Variants in TRABD2B observed in about 807,000 individuals in gnomAD.
The protein encoded by TRABD2B is metalloprotease TIKI2.
Under a neutral mutation model 40.1 loss-of-function variants are expected in TRABD2B, and 14 were observed. The ratio of observed to expected loss-of-function variants is 0.35; its 90% CI spans 0.23 to 0.55. The LOEUF is 0.55. TRABD2B is among the 20% of genes least tolerant of loss of function. TRABD2B has a pLI of 0.90. For missense variants in TRABD2B, 541 were observed against 648.6 expected (o/e 0.83, Z 1.80); for synonymous variants, 263 against 277.0 (o/e 0.95, Z 0.50).
chr1:47,841,693 G>A (rs1470315613), intron 2 of TRABD2B, among the ~76,000 whole-genome samples: 2 of 152,134 alleles, frequency 1.3e-5, no homozygotes, highest in Non-Finnish European at 2.9e-5. Flanking sequence ...GTGGAGGAAA[G>A]GCAGGTTCCC....
At chr1:47,872,604 G>A (rs1644160443) in intron 2 of TRABD2B, among the ~76,000 whole-genome samples, 1 of 152,212 alleles carries the variant, frequency 6.6e-6, no homozygotes, top group Admixed American at 6.5e-5. Context: ...GATGGTGAGA[G>A]AATGAAGATG....
chr1:47,988,714 G>A (rs1645956857), intron 2 of TRABD2B, among the ~76,000 whole-genome samples: 1 of 152,174 alleles, frequency 6.6e-6, no homozygotes, highest in African/African-American at 2.4e-5. Context: ...TCCAAAATAT[G>A]GGAGATACGC....
chr1:47,940,389 G>T (rs1645170113), intron 2 of TRABD2B, among the ~76,000 whole-genome samples: 1 of 152,200 alleles, frequency 6.6e-6, no homozygotes, highest in Non-Finnish European at 1.5e-5. Flanking sequence ...GGCGATGATG[G>T]AATTTGTTGG....
chr1:47,860,777 G>A (rs528988681), intron 2 of TRABD2B, among the ~76,000 whole-genome samples: 5 of 152,206 alleles, frequency 3.3e-5, no homozygotes, highest in African/African-American at 1.2e-4. Context: ...TGCTCTCATG[G>A]GTTGTTATAA....
At chr1:47,833,265 C>T (rs777594864) in intron 2 of TRABD2B, among the ~76,000 whole-genome samples, 10 of 152,066 alleles carry the variant, frequency 6.6e-5, no homozygotes, top group Non-Finnish European at 1.2e-4. Flanking sequence ...TTTACCTGAC[C>T]CTGGGCTCTT....
At chr1:47,805,175 T>C (rs1644874788) in intron 2 of TRABD2B, among the ~76,000 whole-genome samples, 2 of 151,964 alleles carry the variant, frequency 1.3e-5, no homozygotes, top group African/African-American at 4.8e-5. Flanking sequence ...TCCAGAACTC[T>C]GCAGTGCCCT....
intron 2 of TRABD2B, among the ~76,000 whole-genome samples, chr1:47,966,722 T>C (rs1645608648): frequency 6.6e-6 from 1 of 152,004 alleles, no homozygotes; most frequent in Non-Finnish European, 1.5e-5. Flanking sequence ...CTGGCCAACA[T>C]GGTGAAACCC....
Position 47,778,582 on chromosome 1 carries a change from C to A in TRABD2B, c.989-38G>T, listed in dbSNP as rs1644478924. The A allele has an allele frequency of 2.0e-6, 3 of 1,479,846 alleles. No homozygotes were observed. The East Asian group carries it at 7.4e-5, about 36-fold the overall frequency. 91.7% of individuals were successfully genotyped at this position (1,479,846 alleles called of 1,614,324 possible). A position where few individuals can be genotyped will look rare whatever the true frequency, so the allele number is the denominator to read the frequency against. On this transcript the variant is annotated intron_variant, in intron 4 of 6. Transcript: ENST00000606738. ...TGACAAAAGGGGCTCAGCCACATGC[C>A]AGGCCACCGGCCACAGGGGACTGCC...
intron 3 of TRABD2B, among the ~76,000 whole-genome samples, chr1:47,795,428 C>G (rs987102468): frequency 2.6e-5 from 4 of 152,154 alleles, no homozygotes; most frequent in Non-Finnish European, 5.9e-5. Context: ...CACCGCCGAG[C>G]CTGGTGCTGG....
chr1:47,781,760 T>C (rs1164232414), intron 4 of TRABD2B, among the ~76,000 whole-genome samples: 1 of 152,214 alleles, frequency 6.6e-6, no homozygotes, highest in African/African-American at 2.4e-5. Flanking sequence ...GCCATTCCCA[T>C]GTGGCCTGTG....
intron 6 of TRABD2B, among the ~76,000 whole-genome samples, chr1:47,767,632 C>T (rs959585202): frequency 2.6e-5 from 4 of 152,220 alleles, no homozygotes; most frequent in African/African-American, 9.6e-5. Context: ...GAACTGGGCA[C>T]ACAGTAGGTG....
Position 47,760,603 on chromosome 1 carries a change from T to C in TRABD2B, c.*5299A>G, listed in dbSNP as rs1644233764. The C allele has an allele frequency of 6.6e-6, 1 of 152,236 alleles. No individual in the cohort carries two copies. The highest frequency in any genetic ancestry group is 2.4e-5 in the African/African-American group (1 of 41,462). 9.4% of individuals were successfully genotyped at this position (152,236 alleles called of 1,614,324 possible). ...GGCAAAATAACATTAATAGCATCTTTCTTTGTCTTCTATTTATACTCTTAA... is the reference window on the plus strand; with the variant it reads ...GGCAAAATAACATTAATAGCATCTTCCTTTGTCTTCTATTTATACTCTTAA... On this transcript the variant is annotated 3_prime_UTR_variant, in exon 7 of 7. Coordinates refer to ENST00000606738, the MANE Select transcript of TRABD2B (RefSeq NM_001194986.2).
chr1:47,946,664 AT>A (rs1645264084), intron 2 of TRABD2B, among the ~76,000 whole-genome samples: 1 of 152,182 alleles, frequency 6.6e-6, no homozygotes, highest in African/African-American at 2.4e-5. Context: ...TTTTGCATCA[AT>A]TTAATGACAC....
rs1427933002 is a variant in TRABD2B at position 47,764,779 on chromosome 1, A to G, written c.*1123T>C. The G allele has an allele frequency of 1.3e-5, 2 of 152,214 alleles. No individual in the cohort carries two copies. Among genetic ancestry groups the G allele is most frequent in the African/African-American group, 2.4e-5 (1 of 41,432 alleles). The allele number at this position is 152,214 out of a possible 1,614,324, so 9.4% of individuals were successfully genotyped here. A position where few individuals can be genotyped will look rare whatever the true frequency, so the allele number is the denominator to read the frequency against. On this transcript the variant is annotated 3_prime_UTR_variant, in exon 7 of 7. Coordinates refer to ENST00000606738, the MANE Select transcript of TRABD2B (RefSeq NM_001194986.2). ...GAACAGGAGGCAGGAATTGTTTTGC[A>G]TCACACTGATCTGGGGCCACATCCT...
At chr1:47,850,734 G>A (rs1473127623) in intron 2 of TRABD2B, among the ~76,000 whole-genome samples, 1 of 152,194 alleles carries the variant, frequency 6.6e-6, no homozygotes, top group African/African-American at 2.4e-5. Flanking sequence ...AATCCTGCAG[G>A]TGGGCCCCTG....
At chr1:47,936,626 C>T (rs192882147) in intron 2 of TRABD2B, among the ~76,000 whole-genome samples, 2 of 152,286 alleles carry the variant, frequency 1.3e-5, no homozygotes, top group African/African-American at 2.4e-5. Context: ...CACTATATTT[C>T]GGATTTTGGA....
chr1:47,921,066 T>C (rs1338439097), intron 2 of TRABD2B, among the ~76,000 whole-genome samples: 1 of 152,220 alleles, frequency 6.6e-6, no homozygotes, highest in Non-Finnish European at 1.5e-5. Context: ...TGCTGCACCA[T>C]ACTTGGCCTA....
At chr1:47,848,869 T>C (rs1645508281) in intron 2 of TRABD2B, among the ~76,000 whole-genome samples, 1 of 152,236 alleles carries the variant, frequency 6.6e-6, no homozygotes. Flanking sequence ...TTTGTCTGTC[T>C]TCTCAGGTAG....
At chr1:47,774,503 C>T (rs934776970) in intron 6 of TRABD2B, among the ~76,000 whole-genome samples, 1 of 152,180 alleles carries the variant, frequency 6.6e-6, no homozygotes, top group Non-Finnish European at 1.5e-5. Context: ...GGTTGGAAGA[C>T]AGCATCCTGG....
Sources: gnomAD v4.1 joint callset for allele counts (sites outside exome capture counted in the v4.1 genomes callset) on GRCh38, gnomAD v4.1.1 for gene constraint, MANE v1.5 for transcripts, NCBI Gene and HGNC (gene_info 2026-07-23, HGNC 2026-07-21) for gene names.